The following MRRF variants were observed in gnomAD, a reference collection of about 807,000 sequenced individuals.
MRRF encodes ribosome-recycling factor, mitochondrial.
MRRF carries 18 observed loss-of-function variants against 25.1 expected under a neutral mutation model. That is an observed-to-expected ratio of 0.72 (90% CI 0.50 to 1.06). MRRF has a LOEUF of 1.06. Among genes scored for constraint, MRRF ranks in the 50% least tolerant of loss-of-function variants. MRRF has a pLI of 0.00. For missense variants in MRRF, 323 were observed against 319.3 expected, an observed-to-expected ratio of 1.01 and a Z score of -0.09; for synonymous variants, 113 against 112.1, an observed-to-expected ratio of 1.01 and a Z score of -0.05.
chr9:122,266,292 T>G (rs1426194449), intron 1 of MRRF, among the ~76,000 whole-genome samples: 1 of 152,186 alleles, frequency 6.6e-6, no homozygotes, highest in East Asian at 1.9e-4. Flanking sequence ...AAGTAAAGGG[T>G]GCTATGAAAG....
Position 122,285,301 on chromosome 9 carries a change from G to A in MRRF, c.459+14G>A. The A allele has an allele frequency of 6.7e-7, 1 of 1,482,432 alleles. No homozygotes were observed. The highest frequency in any genetic ancestry group is 9.4e-7 in the Non-Finnish European group (1 of 1,060,006). The allele number at this position is 1,482,432 out of a possible 1,614,324, so 91.8% of individuals were successfully genotyped here. A position where few individuals can be genotyped will look rare whatever the true frequency, so the allele number is the denominator to read the frequency against. ...AGCTTCCCAGAGGTAAGATGGCCTTGCTAAAATCTCTCTCCGTGGTCTCTT... is the reference window on the plus strand; with the variant it reads ...AGCTTCCCAGAGGTAAGATGGCCTTACTAAAATCTCTCTCCGTGGTCTCTT... On this transcript the variant is annotated intron_variant, in intron 4 of 6. Transcript: ENST00000344641.
chr9:122,326,733 T>C lies in MRRF; in HGVS notation c.*4116T>C, dbSNP rs1451288665. 6.6e-6 allele frequency: 1 copy of C among 152,222 alleles called. No homozygotes were observed. The highest frequency in any genetic ancestry group is 1.5e-5 in the Non-Finnish European group (1 of 68,036). The allele number at this position is 152,222 out of a possible 1,614,324, so 9.4% of individuals were successfully genotyped here. A position where few individuals can be genotyped will look rare whatever the true frequency, so the allele number is the denominator to read the frequency against. ...TCCTTCAACCTCAGGCTAACATTTA[T>C]TGAATGCCTACAGTCGGCCAGGTTC... On this transcript the variant is annotated 3_prime_UTR_variant, in exon 7 of 7. Coordinates refer to ENST00000344641, the MANE Select transcript of MRRF (RefSeq NM_138777.5).
At chr9:122,269,774 A>G (rs1445187078) in intron 1 of MRRF, among the ~76,000 whole-genome samples, 1 of 152,192 alleles carries the variant, frequency 6.6e-6, no homozygotes, top group Non-Finnish European at 1.5e-5. Context: ...AAAAAAGGTG[A>G]TAGCTATCAA....
intron 6 of MRRF, among the ~76,000 whole-genome samples, chr9:122,319,479 G>C (rs1835745148): frequency 6.6e-6 from 1 of 152,114 alleles, no homozygotes; most frequent in Non-Finnish European, 1.5e-5. Context: ...TCTGTGCCTT[G>C]ATTTACTCCT....
intron 1 of MRRF, among the ~76,000 whole-genome samples, chr9:122,268,560 A>G (rs1832261259): frequency 6.6e-6 from 1 of 152,234 alleles, no homozygotes; most frequent in Non-Finnish European, 1.5e-5. Context: ...TATTAGCTCC[A>G]TGTCCTTGGA....
intron 6 of MRRF, among the ~76,000 whole-genome samples, chr9:122,314,420 TCAA>T (rs1835387777): frequency 6.6e-6 from 1 of 152,212 alleles, no homozygotes; most frequent in African/African-American, 2.4e-5. Flanking sequence ...TGGGCCAAGC[TCAA>T]TATGTTTGGT....
At chr9:122,275,599 T>C (rs1256403983) in intron 2 of MRRF, among the ~76,000 whole-genome samples, 1 of 152,028 alleles carries the variant, frequency 6.6e-6, no homozygotes, top group East Asian at 1.9e-4. Flanking sequence ...ATCGCACCAC[T>C]GCACTCCAGT....
intron 5 of MRRF, among the ~76,000 whole-genome samples, chr9:122,301,699 T>C (rs1160432450): frequency 6.6e-6 from 1 of 152,082 alleles, no homozygotes; most frequent in Non-Finnish European, 1.5e-5. Context: ...TTAGCCATTG[T>C]TACTGAGTAT....
chr9:122,294,572 AT>A (rs1325158692), intron 5 of MRRF, among the ~76,000 whole-genome samples: 1 of 152,204 alleles, frequency 6.6e-6, no homozygotes, highest in African/African-American at 2.4e-5. Context: ...TTACTGAATT[AT>A]AACGTTTGGT....
rs1297271527 is a variant in MRRF, at chr9:122,291,815, A to G, written c.526A>G (p.Thr176Ala). 2 of 1,613,746 alleles carry G rather than the reference A, an allele frequency of 1.2e-6. No homozygotes were observed. The highest frequency in any genetic ancestry group is 1.7e-5 in the Admixed American group (1 of 60,020). The change falls in exon 5 of 7, where the codon ACG becomes GCG. Residue 176 changes from threonine to alanine, a missense_variant. Coordinates refer to ENST00000344641, the MANE Select transcript of MRRF (RefSeq NM_138777.5). ...GMNLNPEVEG[T>A]LIRVPIPQVT... ...GAATCTGAACCCAGAAGTGGAAGGG[A>G]CGCTAATTCGGGTACCCATTCCCCA...
intron 5 of MRRF, among the ~76,000 whole-genome samples, chr9:122,312,395 A>C (rs1319307008): frequency 2.6e-5 from 4 of 152,244 alleles, no homozygotes; most frequent in Admixed American, 6.5e-5. Context: ...TGTTCACTTC[A>C]GAGCTTATTC....
rs887784818 is a variant in MRRF, at chr9:122,324,562, G to A, written c.*1945G>A. 2.6e-5 allele frequency: 4 copies of A among 152,228 alleles called. No individual in the cohort carries two copies. Among genetic ancestry groups the A allele is most frequent in the African/African-American group, 9.6e-5 (4 of 41,454 alleles). The allele number at this position is 152,228 out of a possible 1,614,324, so 9.4% of individuals were successfully genotyped here. A position where few individuals can be genotyped will look rare whatever the true frequency, so the allele number is the denominator to read the frequency against. On this transcript the variant is annotated 3_prime_UTR_variant, in exon 7 of 7. Transcript: ENST00000344641. The stretch of plus-strand genomic sequence containing the variant: ...CCCCTGTTTTGGGGGGGTACATAGT[G>A]CACTGAACTAAATTGCTGTCTATAA...
chr9:122,274,451 G>A (rs1412681376), intron 2 of MRRF, among the ~76,000 whole-genome samples: 2 of 152,082 alleles, frequency 1.3e-5, no homozygotes, highest in African/African-American at 2.4e-5. Context: ...GAGGTCAGTA[G>A]TTGGAGACCT....
intron 4 of MRRF, among the ~76,000 whole-genome samples, chr9:122,286,967 C>G (rs1234759448): frequency 6.6e-6 from 1 of 152,160 alleles, no homozygotes; most frequent in African/African-American, 2.4e-5. Context: ...TCTTTCAGTT[C>G]CTCAAACACA....
chr9:122,273,602 T>C (rs1232329879), intron 2 of MRRF, among the ~76,000 whole-genome samples: 1 of 152,236 alleles, frequency 6.6e-6, no homozygotes, highest in Non-Finnish European at 1.5e-5. Flanking sequence ...AAGTTTGTGC[T>C]TCAGTGAATT....
At chr9:122,272,759 C>T (rs771528142) in intron 2 of MRRF, among the ~76,000 whole-genome samples, 2 of 151,736 alleles carry the variant, frequency 1.3e-5, no homozygotes, top group African/African-American at 4.8e-5. Context: ...TTTTTTAGTC[C>T]TTTATTAATT....
In MRRF at chr9:122,280,558, G is replaced by T. The variant is rs148894536; in HGVS notation, c.300G>T (p.Lys100Asn). 2 of 1,614,016 alleles carry T rather than the reference G, an allele frequency of 1.2e-6. No individual in the cohort carries two copies. The highest frequency in any genetic ancestry group is 1.7e-5 in the Admixed American group (1 of 60,022). The change falls in exon 3 of 7, where the codon AAG becomes AAT. Residue 100 changes from lysine (K) to asparagine (N), a missense_variant. Lys to Asn is a moderately conservative substitution (Grantham distance 94). Transcript: ENST00000344641. ...TGAAGTCTGTGATAGAAGCTCTCAA[G>T]GATAATTTCAATAAGACTCTCAATA... is the stretch of plus-strand genomic sequence containing the variant. ...EEMKSVIEAL[K>N]DNFNKTLNIR...
At position 122,325,502 on chromosome 9, in the gene MRRF, A is replaced by G. The variant is rs1013782766; in HGVS notation, c.*2885A>G. On this transcript the variant is annotated 3_prime_UTR_variant, in exon 7 of 7. Transcript: ENST00000344641. ...TTCTCTCCTACAGCCTCTCTCAAAAAGAAACACTGGGTATGGAAATTCTCA... is the reference window on the plus strand; with the variant it reads ...TTCTCTCCTACAGCCTCTCTCAAAAGGAAACACTGGGTATGGAAATTCTCA... 6.6e-6 allele frequency: 1 copy of G among 152,204 alleles called. No homozygotes were observed. Among genetic ancestry groups the G allele is most frequent in the African/African-American group, 2.4e-5 (1 of 41,456 alleles). 9.4% of individuals were successfully genotyped at this position (152,204 alleles called of 1,614,324 possible).
rs1836034078 is a variant in MRRF, at chr9:122,324,010, C to G, written c.*1393C>G. 1 of 152,144 alleles carries G rather than the reference C, an allele frequency of 6.6e-6. No individual in the cohort carries two copies. 9.4% of individuals were successfully genotyped at this position (152,144 alleles called of 1,614,324 possible). On this transcript the variant is annotated 3_prime_UTR_variant, in exon 7 of 7. Coordinates refer to ENST00000344641, the MANE Select transcript of MRRF (RefSeq NM_138777.5). ...GTACTTTCACACTCAACATGGAACA[C>G]TTCTGTGACAAGGTGTGTGAGTTTG...
Sources: allele counts gnomAD v4.1 joint callset (sites outside exome capture counted in the v4.1 genomes callset), GRCh38; gene constraint gnomAD v4.1.1; transcripts MANE v1.5; gene names NCBI Gene and HGNC (gene_info 2026-07-23, HGNC 2026-07-21).